The following SI variants were observed in gnomAD, a reference collection of about 807,000 sequenced individuals.
SI encodes sucrase-isomaltase.
Under a neutral mutation model 253.3 loss-of-function variants are expected in SI, and 235 were observed. The observed-to-expected ratio is 0.93, with a 90% CI of 0.83 to 1.03. SI has a LOEUF of 1.03. Among genes scored for constraint, SI ranks in the 50% least tolerant of loss-of-function variants. SI has a pLI of 0.00. For synonymous variants in SI, 819 were observed against 712.0 expected (o/e 1.15, Z -2.39); for missense variants, 2,442 against 2,211.1 (o/e 1.10, Z -2.09).
intron 15 of SI, among the ~76,000 whole-genome samples, chr3:165,048,721 T>A (rs1043684785): frequency 6.6e-6 from 1 of 151,636 alleles, no homozygotes; most frequent in Non-Finnish European, 1.5e-5. Context: ...GGGTTCAAAC[T>A]ATTCTTCTGC....
chr3:164,987,270 G>C (rs760019405), intron 44 of SI, 44 bp from the exon 45 acceptor site: 1 of 1,472,822 alleles, frequency 6.8e-7, no homozygotes, highest in East Asian at 2.3e-5. Flanking sequence ...TTGTAGAATA[G>C]CATATGTCTA....
At chr3:165,084,829 C>T in the SI span, among the ~76,000 whole-genome samples, 6 of 151,918 alleles carry the variant, frequency 3.9e-5, no homozygotes, top group Non-Finnish European at 8.8e-5. Flanking sequence ...TTCTCTGTAA[C>T]GGTTATTAAC....
chr3:165,015,130 C>A lies in SI; in HGVS notation c.3992G>T (p.Trp1331Leu), dbSNP rs776755426. Residue 1331 changes from tryptophan (W) to leucine (L), a missense_variant, in exon 33 of 48, where the codon TGG (tryptophan) becomes TTG (leucine). By Grantham distance (61) the Trp-to-Leu change is moderately conservative. Transcript: ENST00000264382. ...AAGATATCGATTTAGTACCTTTGCC[C>A]AACAAATGTCATTGGTGTTTGGCCA... ...VKWPNTNDIC[W>L]AKVWPDLPNI... The A allele has an allele frequency of 3.7e-6, 6 of 1,608,130 alleles. No individual in the cohort carries two copies. Among genetic ancestry groups the A allele is most frequent in the Non-Finnish European group, 5.1e-6 (6 of 1,175,026 alleles).
the SI span, among the ~76,000 whole-genome samples, chr3:165,083,708 A>G: frequency 1.3e-5 from 2 of 152,016 alleles, no homozygotes; most frequent in Admixed American, 6.6e-5. Context: ...AGAAGTTCTT[A>G]GTTGGATTAT....
chr3:164,991,613 T>C (rs560025638), intron 43 of SI, 136 bp from the exon 44 acceptor site: 2 of 948,220 alleles, frequency 2.1e-6, no homozygotes, highest in South Asian at 3.0e-5. Context: ...ATTCAGAAAA[T>C]CTTAATTTGT....
rs754520639 is a variant in SI at position 165,043,157 on chromosome 3, C to T, written c.1906G>A (p.Gly636Arg). Residue 636 changes from glycine to arginine, a missense_variant, in exon 17 of 48, where the codon GGA becomes AGA. Gly to Arg is a moderately radical substitution (Grantham distance 125, BLOSUM62 -2). Coordinates refer to ENST00000264382, the MANE Select transcript of SI (RefSeq NM_001041.4). ...GIPLVGADIC[G>R]FVAETTEELC... is the part of the protein sequence containing the mutation. ...TCTTCTGTGGTTTCAGCCACAAATCCACAGATGTCTGCTCCAACCTAAATA... is the reference window on the plus strand; with the variant it reads ...TCTTCTGTGGTTTCAGCCACAAATCTACAGATGTCTGCTCCAACCTAAATA... 6.2e-7 allele frequency: 1 copy of T among 1,610,006 alleles called. No homozygotes were observed. The highest frequency in any genetic ancestry group is 8.5e-7 in the Non-Finnish European group (1 of 1,177,000).
chr3:164,994,038 T>C (rs1717898360), intron 41 of SI, among the ~76,000 whole-genome samples: 1 of 151,806 alleles, frequency 6.6e-6, no homozygotes, highest in Non-Finnish European at 1.5e-5. Flanking sequence ...CATTACTTTT[T>C]AATAACTAAT....
Position 165,067,413 on chromosome 3 carries a change from T to C in SI, c.562A>G (p.Thr188Ala). ...TGGGCAACCTTCACATCATACAACG[T>C]ATCAGAAACTGTGGGTCCAGTAAAC... The part of the protein sequence containing the change: ...KEFTGPTVSD[T>A]LYDVKVAQNP... Residue 188 changes from threonine (T) to alanine (A), a missense_variant, in exon 6 of 48, where the codon ACG (threonine) becomes GCG (alanine). Physicochemically the swap from Thr to Ala is moderately conservative, Grantham distance 58. Transcript: ENST00000264382. 6.2e-7 allele frequency: 1 copy of C among 1,612,320 alleles called. No homozygotes were observed. Among genetic ancestry groups the C allele is most frequent in the Non-Finnish European group, 8.5e-7 (1 of 1,178,626 alleles).
rs1318519933 is a variant in SI, at chr3:165,009,309, A to G, written c.4149T>C (p.Asn1383=). ...WWAREIVDFY[N]EKMKFDGLWI... Reference sequence around the variant, plus strand: ...ACAAACCATCAAACTTCATCTTTTCATTGTAAAAGTCCACAATTTCTCTGG... The same window carrying G: ...ACAAACCATCAAACTTCATCTTTTCGTTGTAAAAGTCCACAATTTCTCTGG... Residue 1383 remains asparagine (N), a synonymous_variant, in exon 35 of 48, where the codon AAT becomes AAC. Coordinates refer to ENST00000264382, the MANE Select transcript of SI (RefSeq NM_001041.4). 1.1e-5 allele frequency: 18 copies of G among 1,611,748 alleles called. No homozygotes were observed. The highest frequency in any genetic ancestry group is 2.7e-5 in the African/African-American group (2 of 74,880).
chr3:164,981,153 A>T (rs116071309), intron 47 of SI, among the ~76,000 whole-genome samples: 2,705 of 152,188 alleles, frequency 0.018, 73 homozygotes, highest in African/African-American at 0.062. Flanking sequence ...CCGAGGAAGG[A>T]CATTAAATAT....
intron 37 of SI, among the ~76,000 whole-genome samples, chr3:165,000,620 T>C (rs565276412): frequency 5.9e-5 from 9 of 151,540 alleles, no homozygotes; most frequent in African/African-American, 1.9e-4. Flanking sequence ...AATAATTTTC[T>C]CTTAAGGGAA....
At chr3:165,044,849 T>A (rs1713027987) in intron 16 of SI, among the ~76,000 whole-genome samples, 1 of 152,062 alleles carries the variant, frequency 6.6e-6, no homozygotes, top group Admixed American at 6.6e-5. Context: ...ATTTACCATT[T>A]TATATTTTCT....
rs540520878 is a variant in SI at position 165,040,544 on chromosome 3, T to G, written c.2159+396A>C. Among the ~76,000 whole-genome samples, 193 of 152,158 alleles carry G rather than the reference T, an allele frequency of 1.3e-3. 1 individual carries two copies. The highest frequency in any genetic ancestry group is 1.9e-3 in the Non-Finnish European group (128 of 67,984). On this transcript the variant is annotated intron_variant, in intron 18 of 47. Transcript: ENST00000264382. Reference sequence around the variant, plus strand: ...TCTTTAAGTCATCACAGAAAGGCCCTGCTCTGGTCAAAGATACATGCAAAG... The same window carrying G: ...TCTTTAAGTCATCACAGAAAGGCCCGGCTCTGGTCAAAGATACATGCAAAG...
At chr3:164,987,377 T>C (rs1259820342) in intron 44 of SI, 151 bp from the exon 45 acceptor site, 1 of 672,360 alleles carries the variant, frequency 1.5e-6, no homozygotes, top group Non-Finnish European at 2.6e-6. Flanking sequence ...ATTTCCATTT[T>C]TCTAAATTAG....
intron 24 of SI, among the ~76,000 whole-genome samples, chr3:165,031,662 A>C (rs1207381878): frequency 6.6e-6 from 1 of 150,502 alleles, no homozygotes; most frequent in Non-Finnish European, 1.5e-5. Flanking sequence ...AAAATATTAT[A>C]AGACAATGTT....
chr3:165,000,038 T>C (rs140651283), intron 37 of SI, among the ~76,000 whole-genome samples: 1,602 of 151,400 alleles, frequency 0.011, 30 homozygotes, highest in African/African-American at 0.036. Flanking sequence ...GAAATAAATA[T>C]ATAAATATGA....
intron 25 of SI, among the ~76,000 whole-genome samples, chr3:165,029,123 G>A (rs546642471): frequency 6.6e-6 from 1 of 151,200 alleles, no homozygotes; most frequent in Non-Finnish European, 1.5e-5. Flanking sequence ...CTAAAGGCAT[G>A]AATAGACAAA....
In SI at chr3:165,039,125, T is replaced by G. The variant is rs747829972; in HGVS notation, c.2254A>C (p.Thr752Pro). ...GCATCAGGGATGTAGGCACTCACAG[T>G]ATCTGCTCCCTAAAATAAAGATAAT... ...ITPVLKQGAD[T>P]VSAYIPDAIW... The change falls in exon 20 of 48, where the codon ACT (threonine) becomes CCT (proline). Residue 752 changes from threonine to proline, a missense_variant. Thr to Pro is a conservative substitution (Grantham distance 38). Transcript: ENST00000264382. 1 of 1,586,022 alleles carries G rather than the reference T, an allele frequency of 6.3e-7. No homozygotes were observed. Among genetic ancestry groups the G allele is most frequent in the East Asian group, 2.3e-5 (1 of 44,412 alleles).
chr3:165,035,569 T>G (rs1377593834), intron 22 of SI, among the ~76,000 whole-genome samples: 1 of 151,512 alleles, frequency 6.6e-6, no homozygotes, highest in Non-Finnish European at 1.5e-5. Context: ...TTAAAGGCAT[T>G]TAGGATAGTC....
Sources: allele counts gnomAD v4.1 joint callset (sites outside exome capture counted in the v4.1 genomes callset), GRCh38; gene constraint gnomAD v4.1.1; transcripts MANE v1.5; gene names NCBI Gene and HGNC (gene_info 2026-07-23, HGNC 2026-07-21).